LRRC4C: variants seen among roughly 807,000 people sequenced by gnomAD.
LRRC4C encodes leucine rich repeat containing 4C.
LRRC4C carries 5 observed loss-of-function variants against 33.6 expected under a neutral mutation model. The ratio of observed to expected loss-of-function variants is 0.15; its 90% confidence interval spans 0.08 to 0.31. The LOEUF is 0.31. Ranked by LOEUF, LRRC4C falls within the 10% of genes least tolerant of loss-of-function variation. LRRC4C has a pLI of 1.00. For missense variants in LRRC4C, 560 were observed against 796.7 expected (o/e 0.70, Z 3.58); for synonymous variants, 329 against 302.0 (o/e 1.09, Z -0.93).
intron 5 of LRRC4C, among the ~76,000 whole-genome samples, chr11:40,152,791 C>T (rs543141514): frequency 5.9e-5 from 9 of 152,210 alleles, no homozygotes; most frequent in East Asian, 5.8e-4. Flanking sequence ...GCAAGACATG[C>T]CCAAGGAGCG....
intron 3 of LRRC4C, among the ~76,000 whole-genome samples, chr11:40,578,170 T>TTTTTATTTTA (rs1958301926): frequency 8.4e-6 from 1 of 118,894 alleles, no homozygotes; most frequent in Non-Finnish European, 1.7e-5. Context: ...TTTTTTTTTT[T>TTTTTATTTTA]GCCTCTTAAC....
chr11:41,272,436 C>G (rs1049456145), intron 1 of LRRC4C, among the ~76,000 whole-genome samples: 1 of 152,044 alleles, frequency 6.6e-6, no homozygotes, highest in African/African-American at 2.4e-5. Flanking sequence ...GCCTCTGATC[C>G]CCATCAAACT....
chr11:41,240,946 A>G (rs1440347843), intron 1 of LRRC4C, among the ~76,000 whole-genome samples: 1 of 152,164 alleles, frequency 6.6e-6, no homozygotes, highest in Non-Finnish European at 1.5e-5. Flanking sequence ...AGGCAGGAAA[A>G]CTTAAAGGAA....
intron 2 of LRRC4C, among the ~76,000 whole-genome samples, chr11:40,911,983 G>A (rs564411193): frequency 1.3e-5 from 2 of 152,214 alleles, no homozygotes; most frequent in East Asian, 1.9e-4. Context: ...AAGTGAGAAG[G>A]GAAGTTGAGA....
chr11:40,912,196 T>C (rs7932848), intron 2 of LRRC4C, among the ~76,000 whole-genome samples: 149,443 of 152,166 alleles, frequency 0.98, 73,445 homozygotes, highest in East Asian at 1. Flanking sequence ...ATACAGAGAA[T>C]GCCACAAAGA....
chr11:40,614,174 G>A, intron 3 of LRRC4C, among the ~76,000 whole-genome samples: 1 of 151,892 alleles, frequency 6.6e-6, no homozygotes, highest in Non-Finnish European at 1.5e-5. Flanking sequence ...TAAAGTCCCA[G>A]ATGGCATCTT....
chr11:40,420,150 G>C (rs555453175), intron 3 of LRRC4C, among the ~76,000 whole-genome samples: 1 of 152,218 alleles, frequency 6.6e-6, no homozygotes, highest in Non-Finnish European at 1.5e-5. Flanking sequence ...AAGGCAAATA[G>C]TTGGTGGTGA....
intron 1 of LRRC4C, among the ~76,000 whole-genome samples, chr11:41,012,662 G>C (rs1191015068): frequency 2.0e-5 from 3 of 152,142 alleles, no homozygotes; most frequent in African/African-American, 4.8e-5. Flanking sequence ...AACCTCCATA[G>C]AGTTTTACAT....
At chr11:40,179,129 C>A (rs954755344) in intron 5 of LRRC4C, among the ~76,000 whole-genome samples, 5 of 151,884 alleles carry the variant, frequency 3.3e-5, no homozygotes, top group African/African-American at 1.2e-4. Flanking sequence ...CTCGTCCTCC[C>A]AAGTAGCTAG....
intron 1 of LRRC4C, among the ~76,000 whole-genome samples, chr11:40,972,024 C>A (rs556428118): frequency 2.0e-5 from 3 of 152,190 alleles, no homozygotes; most frequent in African/African-American, 7.2e-5. Flanking sequence ...TTTTATTTTA[C>A]AGACTCATAG....
At chr11:40,146,792 G>A (rs565264479) in intron 5 of LRRC4C, among the ~76,000 whole-genome samples, 3 of 152,238 alleles carry the variant, frequency 2.0e-5, no homozygotes, top group Non-Finnish European at 2.9e-5. Context: ...AGGTAGACAA[G>A]GCACAAAAAG....
chr11:41,163,999 G>A (rs1455107736), intron 1 of LRRC4C, among the ~76,000 whole-genome samples: 1 of 152,060 alleles, frequency 6.6e-6, no homozygotes, highest in African/African-American at 2.4e-5. Flanking sequence ...CTGATATTTT[G>A]ATACAAGCCT....
At chr11:40,997,405 G>A (rs1854060888) in intron 1 of LRRC4C, among the ~76,000 whole-genome samples, 1 of 152,124 alleles carries the variant, frequency 6.6e-6, no homozygotes, top group Non-Finnish European at 1.5e-5. Flanking sequence ...AAAGATGTCA[G>A]ATGTTGCAGA....
chr11:40,310,328 A>T (rs1945240958), intron 4 of LRRC4C, among the ~76,000 whole-genome samples: 1 of 152,190 alleles, frequency 6.6e-6, no homozygotes, highest in African/African-American at 2.4e-5. Flanking sequence ...GTAAATAAGG[A>T]ATGAATCAGA....
intron 1 of LRRC4C, among the ~76,000 whole-genome samples, chr11:41,253,987 G>A (rs973408089): frequency 6.6e-6 from 1 of 151,906 alleles, no homozygotes; most frequent in Non-Finnish European, 1.5e-5. Flanking sequence ...TAACAGCTGA[G>A]TTTTAAGTGT....
intron 1 of LRRC4C, among the ~76,000 whole-genome samples, chr11:41,029,773 T>C (rs1297353265): frequency 6.6e-6 from 1 of 151,838 alleles, no homozygotes; most frequent in Non-Finnish European, 1.5e-5. Flanking sequence ...AAATAGGTAA[T>C]GTCAACATAG....
At chr11:41,239,338 A>AAT (rs1948157193) in intron 1 of LRRC4C, among the ~76,000 whole-genome samples, 1 of 150,440 alleles carries the variant, frequency 6.6e-6, no homozygotes, top group African/African-American at 2.4e-5. Context: ...AAAAAAAAAA[A>AAT]AAAAAAAATG....
At chr11:40,814,069 G>A (rs112168744) in intron 2 of LRRC4C, among the ~76,000 whole-genome samples, 2,637 of 152,168 alleles carry the variant, frequency 0.017, 91 homozygotes, top group African/African-American at 0.06. Flanking sequence ...CTCTTCTCAC[G>A]GTTCCACTAG....
chr11:40,889,319 A>G (rs137887210), intron 2 of LRRC4C, among the ~76,000 whole-genome samples: 1 of 152,124 alleles, frequency 6.6e-6, no homozygotes, highest in Non-Finnish European at 1.5e-5. Context: ...ACAGTAAAAC[A>G]GTATGCTTCA....
Sources: gnomAD v4.1 joint callset for allele counts (sites outside exome capture counted in the v4.1 genomes callset) on GRCh38, gnomAD v4.1.1 for gene constraint, MANE v1.5 for transcripts, NCBI Gene and HGNC (gene_info 2026-07-23, HGNC 2026-07-21) for gene names.